Variants in CAMTA1 observed in about 807,000 individuals in gnomAD.
The protein encoded by CAMTA1 is calmodulin-binding transcription activator 1.
A neutral mutation model predicts 170.9 loss-of-function variants in CAMTA1; 27 were observed. That is an observed-to-expected ratio of 0.16 (90% confidence interval 0.12 to 0.22). CAMTA1 has a LOEUF of 0.22. Among genes scored for constraint, CAMTA1 ranks in the 10% least tolerant of loss-of-function variants. The pLI, the probability that CAMTA1 is intolerant of heterozygous loss-of-function variation, is 1.00. For synonymous variants in CAMTA1, 833 were observed against 891.5 expected (o/e 0.93, Z 1.17); for missense variants, 1,619 against 2,217.2 (o/e 0.73, Z 5.42).
chr1:7,111,431 C>T (rs1426580662), intron 4 of CAMTA1, among the ~76,000 whole-genome samples: 1 of 152,212 alleles, frequency 6.6e-6, no homozygotes, highest in East Asian at 1.9e-4. Context: ...TGAGAACCTT[C>T]CTGAGCACGC....
At chr1:7,408,516 G>T (rs2090466591) in intron 5 of CAMTA1, among the ~76,000 whole-genome samples, 1 of 152,202 alleles carries the variant, frequency 6.6e-6, no homozygotes, top group South Asian at 2.1e-4. Context: ...GCCACTTGTG[G>T]GAGCCTCAGA....
chr1:7,358,025 G>C (rs1026153925), intron 5 of CAMTA1, among the ~76,000 whole-genome samples: 3 of 152,216 alleles, frequency 2.0e-5, no homozygotes, highest in Non-Finnish European at 2.9e-5. Flanking sequence ...AGGGATCTGG[G>C]GGCTCCTTTT....
chr1:7,213,979 GT>G (rs1232054311), intron 4 of CAMTA1, among the ~76,000 whole-genome samples: 1 of 152,168 alleles, frequency 6.6e-6, no homozygotes. Flanking sequence ...TGGTGTATAT[GT>G]GCCACATTTT....
intron 5 of CAMTA1, among the ~76,000 whole-genome samples, chr1:7,298,603 C>T (rs997998749): frequency 2.0e-5 from 3 of 152,050 alleles, no homozygotes; most frequent in African/African-American, 7.2e-5. Flanking sequence ...TCTAAAGGGC[C>T]CCAGGTTACC....
Position 7,736,931 on chromosome 1 carries a change from T to C in CAMTA1, c.3264T>C (p.Arg1088=), listed in dbSNP as rs1377769695. ...ATLIQTLIKW[R]TKHADSIDLE... Reference sequence around the variant, plus strand: ...TAATTTCTGGTGCTCTCCCTTATAGTACAAAGCACGCGGATAGCATTGACC... The same window carrying C: ...TAATTTCTGGTGCTCTCCCTTATAGCACAAAGCACGCGGATAGCATTGACC... Residue 1088 remains arginine (R), a splice_region_variant and synonymous_variant, in exon 14 of 23, where the codon CGT becomes CGC. Transcript: ENST00000303635. This position sits in a 1 kb window ranked among gnomAD's most constrained non-coding sequence, Gnocchi z 4.5. 7 of 1,611,670 alleles carry C rather than the reference T, an allele frequency of 4.3e-6. No individual in the cohort carries two copies. In the East Asian group the frequency reaches 1.3e-4, roughly 31 times the overall value.
chr1:7,657,020 C>A (rs17031253), intron 7 of CAMTA1, among the ~76,000 whole-genome samples: 28,298 of 152,148 alleles, frequency 0.19, 2,688 homozygotes, highest in Middle Eastern at 0.32. Flanking sequence ...GCCCTGTCCG[C>A]GAGAATGCAG....
intron 18 of CAMTA1, among the ~76,000 whole-genome samples, chr1:7,746,620 C>G (rs769231448): frequency 3.9e-5 from 6 of 152,116 alleles, no homozygotes; most frequent in Non-Finnish European, 7.4e-5. Context: ...TTTTCCGGCA[C>G]AGAACAATGC....
chr1:6,908,977 C>G lies in CAMTA1; in HGVS notation c.234+83767C>G, dbSNP rs548673889. ...CAATTTAAATTTAATTAAAAAGCAT[C>G]GAATCAAAGAATAACATGGCGAAGT... On this transcript the variant is annotated intron_variant, in intron 3 of 22. Coordinates refer to ENST00000303635, the MANE Select transcript of CAMTA1 (RefSeq NM_015215.4). Among the ~76,000 whole-genome samples the G allele has an allele frequency of 2.0e-5, 3 of 152,332 alleles. No homozygotes were observed. In the East Asian group the frequency reaches 5.8e-4, roughly 29 times the overall value.
chr1:7,591,142 G>A (rs2095352736), intron 6 of CAMTA1, among the ~76,000 whole-genome samples: 1 of 152,178 alleles, frequency 6.6e-6, no homozygotes, highest in African/African-American at 2.4e-5. Flanking sequence ...CCCGGGCGCT[G>A]CAGCAAACCC....
chr1:7,548,439 G>C (rs575176909), intron 6 of CAMTA1, among the ~76,000 whole-genome samples: 2 of 151,276 alleles, frequency 1.3e-5, no homozygotes, highest in African/African-American at 4.9e-5. Context: ...CTTAGGAGTG[G>C]AGGTGCTGGT....
chr1:7,439,271 T>TG (rs2092447217), intron 5 of CAMTA1, among the ~76,000 whole-genome samples: 1 of 152,088 alleles, frequency 6.6e-6, no homozygotes, highest in Admixed American at 6.5e-5. Context: ...CCCTCCTAGG[T>TG]GGGGGATCTG....
chr1:7,192,159 C>T (rs994774769), intron 4 of CAMTA1, among the ~76,000 whole-genome samples: 1 of 152,232 alleles, frequency 6.6e-6, no homozygotes, highest in Non-Finnish European at 1.5e-5. Context: ...CTGGTTCTGG[C>T]TCTTCTGGTT....
At chr1:7,390,480 C>CG (rs2088575081) in intron 5 of CAMTA1, among the ~76,000 whole-genome samples, 2 of 152,314 alleles carry the variant, frequency 1.3e-5, no homozygotes, top group East Asian at 1.9e-4. Flanking sequence ...TACCAGTGCA[C>CG]GGCCCAGGAT....
chr1:7,503,667 C>G (rs2094048265), intron 6 of CAMTA1, among the ~76,000 whole-genome samples: 1 of 152,196 alleles, frequency 6.6e-6, no homozygotes, highest in Non-Finnish European at 1.5e-5. Context: ...TCTAGGGCAC[C>G]TGAAGGCTCT....
chr1:7,220,300 T>G (rs763196), intron 4 of CAMTA1, among the ~76,000 whole-genome samples: 1 of 152,100 alleles, frequency 6.6e-6, no homozygotes, highest in African/African-American at 2.4e-5. Context: ...ATCCCAGGCC[T>G]CCTCGAAGGA....
chr1:7,471,895 G>A (rs1477220510), intron 6 of CAMTA1, among the ~76,000 whole-genome samples: 3 of 152,228 alleles, frequency 2.0e-5, no homozygotes, highest in Admixed American at 2.0e-4. Context: ...TTCTCCGCCT[G>A]CCCCCGCAGG....
intron 4 of CAMTA1, among the ~76,000 whole-genome samples, chr1:7,240,688 T>C (rs1429202841): frequency 6.6e-6 from 1 of 151,996 alleles, no homozygotes; most frequent in Non-Finnish European, 1.5e-5. Flanking sequence ...CACTTTGTTG[T>C]AGAGACAGGG....
intron 4 of CAMTA1, among the ~76,000 whole-genome samples, chr1:7,233,574 G>T (rs1375535150): frequency 6.6e-6 from 1 of 152,172 alleles, no homozygotes; most frequent in African/African-American, 2.4e-5. Context: ...TGATTAATTT[G>T]CTCATTTGAT....
chr1:7,737,118 A>G, intron 14 of CAMTA1, 109 bp downstream of exon 14: 2 of 1,320,600 alleles, frequency 1.5e-6, no homozygotes, highest in South Asian at 2.4e-5. Context: ...TTTCGGAGAT[A>G]CTTTGGGATG....
Sources: allele counts gnomAD v4.1 joint callset (sites outside exome capture counted in the v4.1 genomes callset), GRCh38; gene constraint gnomAD v4.1.1; non-coding constraint Gnocchi (gnomAD v3.1); transcripts MANE v1.5; gene names NCBI Gene and HGNC (gene_info 2026-07-23, HGNC 2026-07-21).